The following ZDHHC7 variants were observed in gnomAD, a reference collection of about 807,000 sequenced individuals.
ZDHHC7 encodes the protein palmitoyltransferase ZDHHC7.
ZDHHC7 carries 12 observed loss-of-function variants against 34.1 expected under a neutral mutation model. The observed-to-expected ratio is 0.35, with a 90% CI of 0.23 to 0.57. The LOEUF is 0.57. Among genes scored for constraint, ZDHHC7 ranks in the 20% least tolerant of loss-of-function variants. The pLI is 0.84. For synonymous variants in ZDHHC7, 185 were observed against 155.4 expected (o/e 1.19, Z -1.42); for missense variants, 388 against 402.7 (o/e 0.96, Z 0.31).
chr16:84,995,476 A>C (rs1326452943), intron 2 of ZDHHC7, among the ~76,000 whole-genome samples: 1 of 152,196 alleles, frequency 6.6e-6, no homozygotes, highest in African/African-American at 2.4e-5. Context: ...AAATATAAAA[A>C]TTAGCCGGGC....
chr16:84,996,389 C>A (rs67300532), intron 1 of ZDHHC7, among the ~76,000 whole-genome samples: 9,258 of 152,122 alleles, frequency 0.061, 312 homozygotes, highest in Middle Eastern at 0.085. Context: ...AACAGAGAGA[C>A]AGAGCACTTG....
At chr16:84,992,321 G>C (rs2072521263) in intron 2 of ZDHHC7, among the ~76,000 whole-genome samples, 1 of 114,166 alleles carries the variant, frequency 8.8e-6, no homozygotes, top group Non-Finnish European at 1.7e-5. Flanking sequence ...ATAAAAATTA[G>C]TCGGGCACAG....
At chr16:84,998,151 C>T (rs1210964778) in intron 1 of ZDHHC7, among the ~76,000 whole-genome samples, 1 of 150,988 alleles carries the variant, frequency 6.6e-6, no homozygotes, top group East Asian at 2.0e-4. Context: ...GCAGTCCCAG[C>T]TACTCGGGAG....
the ZDHHC7 span, among the ~76,000 whole-genome samples, chr16:85,020,106 GC>G: frequency 1.3e-5 from 2 of 152,182 alleles, no homozygotes; most frequent in East Asian, 3.8e-4. Context: ...TCTGGAAAGA[GC>G]CCACAATCCT....
At chr16:85,025,653 C>T in the ZDHHC7 span, among the ~76,000 whole-genome samples, 1 of 152,182 alleles carries the variant, frequency 6.6e-6, no homozygotes, top group African/African-American at 2.4e-5. Flanking sequence ...CATGATCCGC[C>T]CGCCTCGACC....
the ZDHHC7 span, among the ~76,000 whole-genome samples, chr16:85,019,475 T>C: frequency 1.3e-5 from 2 of 152,050 alleles, no homozygotes; most frequent in Non-Finnish European, 2.9e-5. Context: ...CCAGCACTTT[T>C]AAGAGGCTGA....
chr16:85,015,609 G>A (rs2072830906), upstream of ZDHHC7, among the ~76,000 whole-genome samples: 2 of 152,100 alleles, frequency 1.3e-5, no homozygotes, highest in African/African-American at 4.8e-5. Flanking sequence ...CCAGCATACT[G>A]GGGGGCCAAG....
chr16:84,990,239 C>G (rs2072490398), intron 3 of ZDHHC7, 65 bp downstream of exon 3: 1 of 1,554,596 alleles, frequency 6.4e-7, no homozygotes, highest in African/African-American at 1.4e-5. Context: ...TCCAAAGGGT[C>G]AGCCACACCC....
chr16:84,989,933 G>C (rs2072486404), intron 3 of ZDHHC7, among the ~76,000 whole-genome samples: 1 of 152,122 alleles, frequency 6.6e-6, no homozygotes, highest in Admixed American at 6.6e-5. Context: ...TCCGAGCTCT[G>C]TGGGAAGCCT....
intron 6 of ZDHHC7, 147 bp downstream of exon 6, chr16:84,977,777 C>G: frequency 1.5e-6 from 1 of 684,712 alleles, no homozygotes; most frequent in Non-Finnish European, 2.5e-6. Flanking sequence ...GGTGTTAAAA[C>G]TTAACTAAAT....
the ZDHHC7 span, among the ~76,000 whole-genome samples, chr16:85,024,324 C>G: frequency 6.6e-6 from 1 of 151,640 alleles, no homozygotes; most frequent in African/African-American, 2.4e-5. Context: ...CTCCGCCTCC[C>G]AGGTTCAAGT....
intron 1 of ZDHHC7, among the ~76,000 whole-genome samples, chr16:85,001,367 C>T (rs1020573298): frequency 1.8e-4 from 27 of 149,394 alleles, no homozygotes; most frequent in South Asian, 6.3e-4. Flanking sequence ...GCTACTTGGG[C>T]AGCTGAGGCA....
the ZDHHC7 span, among the ~76,000 whole-genome samples, chr16:85,023,812 G>A: frequency 6.6e-6 from 1 of 151,752 alleles, no homozygotes. Flanking sequence ...TAGAGACGGG[G>A]TTTCACCATG....
At chr16:85,009,198 C>G (rs9932752) in intron 1 of ZDHHC7, among the ~76,000 whole-genome samples, 52,264 of 151,820 alleles carry the variant, frequency 0.34, 10,361 homozygotes, top group African/African-American at 0.54. Flanking sequence ...CTTATTTCTA[C>G]ACCCATTTTC....
At chr16:85,013,274 G>A (rs758984053), upstream of ZDHHC7, among the ~76,000 whole-genome samples, 6 of 152,084 alleles carry the variant, frequency 3.9e-5, no homozygotes, top group Admixed American at 1.3e-4. Context: ...ATGGAGTCTC[G>A]CTCTGTCTCC....
chr16:85,020,514 C>T, the ZDHHC7 span, among the ~76,000 whole-genome samples: 1 of 152,108 alleles, frequency 6.6e-6, no homozygotes, highest in East Asian at 1.9e-4. Context: ...GCAGGGATTC[C>T]TTTAGGATGT....
intron 2 of ZDHHC7, among the ~76,000 whole-genome samples, chr16:84,995,550 T>C (rs2072565612): frequency 6.6e-6 from 1 of 152,068 alleles, no homozygotes; most frequent in African/African-American, 2.4e-5. Context: ...CACTTGAACC[T>C]GGGAGACAGA....
upstream of ZDHHC7, among the ~76,000 whole-genome samples, chr16:85,015,663 T>C (rs559485786): frequency 5.3e-5 from 8 of 151,962 alleles, no homozygotes; most frequent in Admixed American, 3.9e-4. Context: ...GCCTGAGAAA[T>C]GTAATGACAC....
chr16:85,019,180 C>T, the ZDHHC7 span, among the ~76,000 whole-genome samples: 2 of 152,194 alleles, frequency 1.3e-5, no homozygotes, highest in African/African-American at 2.4e-5. Flanking sequence ...CTCCCTCCCT[C>T]GCATTCCTGC....
Sources: gnomAD v4.1 joint callset for allele counts (sites outside exome capture counted in the v4.1 genomes callset) on GRCh38, gnomAD v4.1.1 for gene constraint, MANE v1.5 for transcripts, NCBI Gene and HGNC (gene_info 2026-07-23, HGNC 2026-07-21) for gene names.